Variants in PPIG observed in about 807,000 individuals in gnomAD.
The protein encoded by PPIG is peptidyl-prolyl cis-trans isomerase G.
Under a neutral mutation model 87.9 loss-of-function variants are expected in PPIG, and 26 were observed. That is an observed-to-expected ratio of 0.30 (90% CI 0.22 to 0.41). The LOEUF is 0.41. Among genes scored for constraint, PPIG ranks in the 10% least tolerant of loss-of-function variants. The pLI is 1.00. For missense variants in PPIG, 722 were observed against 879.4 expected (o/e 0.82, Z 2.26); for synonymous variants, 308 against 276.5 (o/e 1.11, Z -1.13).
At chr2:169,628,045 T>C (rs1050280523) in intron 9 of PPIG, among the ~76,000 whole-genome samples, 1 of 152,172 alleles carries the variant, frequency 6.6e-6, no homozygotes, top group African/African-American at 2.4e-5. Context: ...TTTCAGGTTA[T>C]ATGTTTTTTC....
chr2:169,632,802 A>AT (rs1686092021), intron 11 of PPIG, among the ~76,000 whole-genome samples: 1 of 151,320 alleles, frequency 6.6e-6, no homozygotes, highest in South Asian at 2.1e-4. Context: ...ATATTGAAAT[A>AT]TTTTTCTTAG....
chr2:169,611,145 G>A (rs112550799), intron 7 of PPIG, among the ~76,000 whole-genome samples: 5,174 of 152,158 alleles, frequency 0.034, 285 homozygotes, highest in African/African-American at 0.12. Flanking sequence ...AGCCAGGGTC[G>A]TGCCACTACA....
chr2:169,620,163 A>G (rs2105506650), intron 9 of PPIG, among the ~76,000 whole-genome samples: 1 of 152,206 alleles, frequency 6.6e-6, no homozygotes, highest in South Asian at 2.1e-4. Flanking sequence ...TGCCCAAACC[A>G]ATGTCATGGA....
chr2:169,593,124 G>GTA (rs1178583565), intron 1 of PPIG, among the ~76,000 whole-genome samples: 1 of 142,596 alleles, frequency 7.0e-6, no homozygotes, highest in African/African-American at 2.7e-5. Flanking sequence ...AAGACTGTGT[G>GTA]TGTATATATA....
intron 6 of PPIG, 27 bp from the exon 7 acceptor site, chr2:169,608,644 G>A: frequency 6.6e-7 from 1 of 1,511,972 alleles, no homozygotes; most frequent in Non-Finnish European, 9.2e-7. Flanking sequence ...TATCTATAAT[G>A]TAACTGAAAA....
chr2:169,627,704 C>CTTTTTTTTTTT (rs777197172), intron 9 of PPIG, among the ~76,000 whole-genome samples: 69 of 101,858 alleles, frequency 6.8e-4, no homozygotes, highest in African/African-American at 8.4e-4. Flanking sequence ...AGTGGGCTTG[C>CTTTTTTTTTTT]TTTTTTTTTT....
chr2:169,604,755 TC>T (rs1310075314), intron 4 of PPIG, among the ~76,000 whole-genome samples: 1 of 150,544 alleles, frequency 6.6e-6, no homozygotes, highest in Non-Finnish European at 1.5e-5. Flanking sequence ...ACGCCTGTAG[TC>T]CCAGCTATTT....
At chr2:169,599,242 G>A (rs1345868902) in intron 1 of PPIG, among the ~76,000 whole-genome samples, 1 of 152,018 alleles carries the variant, frequency 6.6e-6, no homozygotes, top group African/African-American at 2.4e-5. Flanking sequence ...TGTTACGTTT[G>A]TAATTTTAAT....
intron 1 of PPIG, among the ~76,000 whole-genome samples, chr2:169,587,810 TTATA>T (rs1684744996): frequency 6.6e-6 from 1 of 152,156 alleles, no homozygotes; most frequent in Non-Finnish European, 1.5e-5. Flanking sequence ...TGAAATTTGA[TTATA>T]TAACACTTAT....
intron 11 of PPIG, among the ~76,000 whole-genome samples, chr2:169,632,698 TCAC>T: frequency 6.6e-6 from 1 of 152,092 alleles, no homozygotes; most frequent in Admixed American, 6.5e-5. Flanking sequence ...TGAGCCGAGA[TCAC>T]GGCACTGCAC....
intron 1 of PPIG, among the ~76,000 whole-genome samples, chr2:169,597,890 GTTT>G (rs1685066316): frequency 2.2e-5 from 3 of 135,286 alleles, no homozygotes; most frequent in Non-Finnish European, 4.8e-5. Flanking sequence ...TTGTTTGTTT[GTTT>G]GAAATAGAAA....
In PPIG at chr2:169,606,029, A is replaced by G. The variant is rs777662993; in HGVS notation, c.137-10A>G. On this transcript the variant is annotated splice_polypyrimidine_tract_variant and intron_variant, in intron 4 of 13. Transcript: ENST00000260970. Reference sequence around the variant, plus strand: ...TTTCTATTAAATGTCCTATTTTTTTATCTCTATAGGTGAAAAGGGGACCGG... The same window carrying G: ...TTTCTATTAAATGTCCTATTTTTTTGTCTCTATAGGTGAAAAGGGGACCGG... 1.3e-6 allele frequency: 2 copies of G among 1,570,060 alleles called. No individual in the cohort carries two copies. The highest frequency in any genetic ancestry group is 1.7e-6 in the Non-Finnish European group (2 of 1,146,664).
intron 9 of PPIG, among the ~76,000 whole-genome samples, chr2:169,617,033 T>G (rs1436382450): frequency 1.3e-5 from 2 of 152,222 alleles, no homozygotes; most frequent in African/African-American, 2.4e-5. Flanking sequence ...TGTGTTAATT[T>G]TTGTATAAGG....
chr2:169,597,497 CT>C (rs1163118569), intron 1 of PPIG, among the ~76,000 whole-genome samples: 7 of 122,398 alleles, frequency 5.7e-5, no homozygotes, highest in African/African-American at 2.2e-4. Context: ...TTTTCCTTTT[CT>C]TTTCTTTTTT....
chr2:169,614,376 TAC>T, intron 7 of PPIG, 86 bp from the exon 8 acceptor site: 1 of 1,209,422 alleles, frequency 8.3e-7, no homozygotes, highest in Non-Finnish European at 1.2e-6. Flanking sequence ...TTGTTTCCAA[TAC>T]AGTTATTTTC....
chr2:169,632,845 T>G (rs911991385), intron 11 of PPIG, among the ~76,000 whole-genome samples: 6 of 150,984 alleles, frequency 4.0e-5, no homozygotes, highest in African/African-American at 1.5e-4. Context: ...ATAATACAAG[T>G]AATAAAATTC....
intron 9 of PPIG, among the ~76,000 whole-genome samples, chr2:169,623,499 T>C (rs1265389836): frequency 1.3e-5 from 2 of 151,652 alleles, no homozygotes; most frequent in Non-Finnish European, 2.9e-5. Context: ...AAGAACAGAG[T>C]TGTGGCAACA....
intron 9 of PPIG, among the ~76,000 whole-genome samples, chr2:169,616,507 CTGT>C (rs1685613576): frequency 6.6e-6 from 1 of 152,186 alleles, no homozygotes; most frequent in African/African-American, 2.4e-5. Flanking sequence ...TCTCCGGCAT[CTGT>C]TGTTTCCTGA....
At chr2:169,617,693 A>T (rs942441288) in intron 9 of PPIG, among the ~76,000 whole-genome samples, 1 of 152,188 alleles carries the variant, frequency 6.6e-6, no homozygotes, top group African/African-American at 2.4e-5. Flanking sequence ...TGATTTTTGC[A>T]CATTGATTTT....
Sources: gnomAD v4.1 joint callset for allele counts (sites outside exome capture counted in the v4.1 genomes callset) on GRCh38, gnomAD v4.1.1 for gene constraint, MANE v1.5 for transcripts, NCBI Gene and HGNC (gene_info 2026-07-23, HGNC 2026-07-21) for gene names.